DLGAP1: variants seen among roughly 807,000 people sequenced by gnomAD.
DLGAP1 encodes the protein DLG associated protein 1, also known as disks large-associated protein 1.
A neutral mutation model predicts 90.8 loss-of-function variants in DLGAP1; 11 were observed. The ratio of observed to expected loss-of-function variants is 0.12; its 90% CI spans 0.08 to 0.20. The LOEUF is 0.20. Among genes scored for constraint, DLGAP1 ranks in the 10% least tolerant of loss-of-function variants. DLGAP1 has a pLI of 1.00. For missense variants in DLGAP1, 1,050 were observed against 1,333.8 expected (o/e 0.79, Z 3.31); for synonymous variants, 558 against 540.7 (o/e 1.03, Z -0.44).
At chr18:4,143,366 A>G (rs2076527751) in intron 2 of DLGAP1, among the ~76,000 whole-genome samples, 2 of 151,250 alleles carry the variant, frequency 1.3e-5, no homozygotes, top group East Asian at 2.0e-4. Flanking sequence ...CTTTTCCACA[A>G]GCAGAAGAAC....
chr18:3,937,585 C>A (rs2072670796), intron 3 of DLGAP1, among the ~76,000 whole-genome samples: 1 of 152,186 alleles, frequency 6.6e-6, no homozygotes, highest in Non-Finnish European at 1.5e-5. Context: ...AGCACACTTA[C>A]AGTTTAGCTA....
intron 2 of DLGAP1, among the ~76,000 whole-genome samples, chr18:4,069,976 TTTTC>T (rs760608673): frequency 3.4e-4 from 52 of 152,032 alleles, no homozygotes; most frequent in Non-Finnish European, 4.6e-4. Flanking sequence ...CATATTTTCT[TTTTC>T]TTTCTTTCTT....
chr18:4,022,094 A>G (rs1304027063), intron 2 of DLGAP1, among the ~76,000 whole-genome samples: 2 of 152,166 alleles, frequency 1.3e-5, no homozygotes, highest in Non-Finnish European at 2.9e-5. Flanking sequence ...AAGGCTCTCA[A>G]ACAGAGTTGG....
At chr18:4,261,145 G>A (rs1277552240) in intron 1 of DLGAP1, among the ~76,000 whole-genome samples, 2 of 152,154 alleles carry the variant, frequency 1.3e-5, no homozygotes, top group African/African-American at 4.8e-5. Flanking sequence ...TGTCCATGAT[G>A]GGATTTGCAC....
rs185670347 is a variant in DLGAP1, at chr18:4,198,303, G to T, written c.-266-47016C>A. On this transcript the variant is annotated intron_variant, in intron 1 of 12. Transcript: ENST00000315677. ...ATTGGATTTCTAAGAGATGGTCATG[G>T]CCTATTTGAGATTTATCTCCCATCT... Among the ~76,000 whole-genome samples, 61 of 152,150 alleles carry T rather than the reference G, an allele frequency of 4.0e-4. 1 individual carries two copies. Among genetic ancestry groups the T allele is most frequent in the African/African-American group, 1.5e-3 (61 of 41,524 alleles).
At chr18:3,575,075 A>G (rs967881006) in intron 8 of DLGAP1, among the ~76,000 whole-genome samples, 3 of 152,132 alleles carry the variant, frequency 2.0e-5, no homozygotes, top group Non-Finnish European at 2.9e-5. Flanking sequence ...AGGCCTCCCA[A>G]AGTGCTGGGA....
intron 1 of DLGAP1, among the ~76,000 whole-genome samples, chr18:4,180,308 G>A (rs1332403800): frequency 6.6e-6 from 1 of 152,248 alleles, no homozygotes; most frequent in South Asian, 2.1e-4. Context: ...AAAGGAGGGT[G>A]ACTAACTCAT....
intron 2 of DLGAP1, among the ~76,000 whole-genome samples, chr18:4,119,128 G>A (rs1427979372): frequency 6.6e-6 from 1 of 151,824 alleles, no homozygotes; most frequent in African/African-American, 2.4e-5. Context: ...GTCTCACTTT[G>A]TGGTCCAGGC....
intron 7 of DLGAP1, among the ~76,000 whole-genome samples, chr18:3,604,542 C>A (rs1310215194): frequency 6.6e-6 from 1 of 152,102 alleles, no homozygotes; most frequent in Admixed American, 6.6e-5. Context: ...ACTTAAGGTT[C>A]CCCATCTCAG....
At chr18:3,906,336 C>T (rs928548121) in intron 3 of DLGAP1, among the ~76,000 whole-genome samples, 1 of 152,134 alleles carries the variant, frequency 6.6e-6, no homozygotes, top group African/African-American at 2.4e-5. Flanking sequence ...TTATAGCTTG[C>T]ATTTTGCTTT....
intron 3 of DLGAP1, among the ~76,000 whole-genome samples, chr18:3,958,372 G>A (rs1478414576): frequency 6.6e-6 from 1 of 151,182 alleles, no homozygotes. Context: ...ATGATAAGGA[G>A]GTAGAAGAAG....
At chr18:4,078,648 T>A (rs2075559432) in intron 2 of DLGAP1, among the ~76,000 whole-genome samples, 1 of 152,110 alleles carries the variant, frequency 6.6e-6, no homozygotes, top group African/African-American at 2.4e-5. Context: ...AGTGCTACAG[T>A]TTTACAAAAC....
chr18:4,107,624 C>T (rs190318108), intron 2 of DLGAP1, among the ~76,000 whole-genome samples: 2 of 152,336 alleles, frequency 1.3e-5, no homozygotes, highest in East Asian at 1.9e-4. Flanking sequence ...CGTTGAACTA[C>T]ACATTTTAAA....
At chr18:3,770,454 C>CA (rs2064475649) in intron 5 of DLGAP1, among the ~76,000 whole-genome samples, 1 of 151,850 alleles carries the variant, frequency 6.6e-6, no homozygotes, top group African/African-American at 2.4e-5. Context: ...ATAATTAAGG[C>CA]AAAAAAGACT....
chr18:3,904,810 C>T (rs1173519416), intron 3 of DLGAP1, among the ~76,000 whole-genome samples: 3 of 152,106 alleles, frequency 2.0e-5, no homozygotes, highest in Non-Finnish European at 4.4e-5. Flanking sequence ...CTTAAGATCA[C>T]TCCGTCTTTC....
At chr18:3,782,519 T>C (rs1259540632) in intron 5 of DLGAP1, among the ~76,000 whole-genome samples, 4 of 152,174 alleles carry the variant, frequency 2.6e-5, no homozygotes, top group East Asian at 3.9e-4. Context: ...GTGTTGATGA[T>C]GCATAAATCA....
At chr18:3,589,218 G>C (rs2056092476) in intron 7 of DLGAP1, among the ~76,000 whole-genome samples, 3 of 152,100 alleles carry the variant, frequency 2.0e-5, no homozygotes, top group Admixed American at 2.0e-4. Flanking sequence ...AAAAGAAAGT[G>C]TTGCAAGCTT....
At chr18:3,580,690 C>A (rs1258285821) in intron 8 of DLGAP1, 4 of 1,612,866 alleles carry the variant, frequency 2.5e-6, no homozygotes, top group Non-Finnish European at 3.4e-6. Flanking sequence ...ACGACGGTGG[C>A]CACAATGATC....
chr18:4,415,948 T>C (rs910708041), intron 1 of DLGAP1, among the ~76,000 whole-genome samples: 3 of 152,140 alleles, frequency 2.0e-5, no homozygotes, highest in African/African-American at 7.2e-5. Flanking sequence ...TGAGTCCTCT[T>C]TCTCTCTCTC....
Sources: allele counts gnomAD v4.1 joint callset (sites outside exome capture counted in the v4.1 genomes callset), GRCh38; gene constraint gnomAD v4.1.1; transcripts MANE v1.5; gene names NCBI Gene and HGNC (gene_info 2026-07-23, HGNC 2026-07-21).